FGFR1OP2: variants seen among roughly 807,000 people sequenced by gnomAD.
The protein encoded by FGFR1OP2 is fibroblast growth factor receptor 1 oncogene partner 2.
Under a neutral mutation model 35.2 loss-of-function variants are expected in FGFR1OP2, and 17 were observed. The ratio of observed to expected loss-of-function variants is 0.48; its 90% CI spans 0.33 to 0.73. FGFR1OP2 has a LOEUF of 0.73. Among genes scored for constraint, FGFR1OP2 ranks in the 30% least tolerant of loss-of-function variants. The pLI is 0.02. For synonymous variants in FGFR1OP2, 105 were observed against 104.6 expected, an observed-to-expected ratio of 1.00 and a Z score of -0.03; for missense variants, 251 against 307.3, an observed-to-expected ratio of 0.82 and a Z score of 1.37.
intron 1 of FGFR1OP2, among the ~76,000 whole-genome samples, chr12:26,950,519 C>T (rs546336058): frequency 1.3e-4 from 20 of 152,272 alleles, no homozygotes; most frequent in Non-Finnish European, 2.5e-4. Context: ...AGCCACCGCA[C>T]CTGCCCTGTA....
At position 26,964,705 on chromosome 12, in the gene FGFR1OP2, A is replaced by G. The variant is rs1939149954; in HGVS notation, c.734A>G (p.Asn245Ser). 2 of 1,611,478 alleles carry G rather than the reference A, an allele frequency of 1.2e-6. No homozygotes were observed. Among genetic ancestry groups the G allele is most frequent in the Non-Finnish European group, 1.7e-6 (2 of 1,179,358 alleles). Residue 245 changes from asparagine to serine, a missense_variant, in exon 7 of 7, where the codon AAC becomes AGC. Transcript: ENST00000229395. ...ACTTCTTTGTCAGCATTAGTGACCA[A>G]CAGTGATTTGAGTCTGAGGAAGAGC... ...ESTSLSALVTNSDLSLRKS is the reference protein window; with the variant it reads ...ESTSLSALVTSSDLSLRKS
At chr12:26,956,479 C>CATATATATATATATATATATAT (rs5797206) in intron 2 of FGFR1OP2, 64 bp from the exon 3 acceptor site, 1 of 234,242 alleles carries the variant, frequency 4.3e-6, no homozygotes, top group African/African-American at 2.5e-5. Flanking sequence ...ATTTATATAT[C>CATATATATATATATATATATAT]ATATATATAT....
intron 1 of FGFR1OP2, among the ~76,000 whole-genome samples, chr12:26,949,129 A>G (rs987333201): frequency 3.0e-4 from 46 of 152,270 alleles, no homozygotes; most frequent in African/African-American, 1.1e-3. Context: ...TTGATTCACC[A>G]TTACAGTTTT....
chr12:26,959,962 C>T lies in FGFR1OP2; in HGVS notation c.397-553C>T, dbSNP rs1003963648. 3.3e-5 allele frequency among the ~76,000 whole-genome samples: 5 copies of T among 151,866 alleles called. No homozygotes were observed. In the East Asian group the frequency reaches 5.8e-4, roughly 18 times the overall value. ...CAAAGTAGATGAATTGTTACTGGAA[C>T]GCTAGAGGGAACAATATTAACTGTC... On this transcript the variant is annotated intron_variant, in intron 4 of 6. Coordinates refer to ENST00000229395, the MANE Select transcript of FGFR1OP2 (RefSeq NM_015633.3).
At position 26,966,310 on chromosome 12, in the gene FGFR1OP2, C is replaced by T. The variant is rs1273351854; in HGVS notation, c.*1577C>T. 1 of 152,036 alleles carries T rather than the reference C, an allele frequency of 6.6e-6. No homozygotes were observed. Among genetic ancestry groups the T allele is most frequent in the Non-Finnish European group, 1.5e-5 (1 of 67,966 alleles). 9.4% of individuals were successfully genotyped at this position (152,036 alleles called of 1,614,324 possible). On this transcript the variant is annotated 3_prime_UTR_variant, in exon 7 of 7. Coordinates refer to ENST00000229395, the MANE Select transcript of FGFR1OP2 (RefSeq NM_015633.3). The stretch of plus-strand genomic sequence containing the variant: ...TCCTTAATTTAATGACACATTCATT[C>T]AGATACTTCTTATCCCTGCTAATAA...
intron 1 of FGFR1OP2, among the ~76,000 whole-genome samples, chr12:26,945,425 A>G (rs1344730397): frequency 6.6e-6 from 1 of 152,226 alleles, no homozygotes; most frequent in Non-Finnish European, 1.5e-5. Flanking sequence ...GTTTATTTAG[A>G]TCAAAGTATC....
intron 4 of FGFR1OP2, among the ~76,000 whole-genome samples, chr12:26,959,648 G>A (rs1939073995): frequency 6.6e-6 from 1 of 152,104 alleles, no homozygotes; most frequent in Admixed American, 6.5e-5. Flanking sequence ...ATAGCTGTAA[G>A]CCATCCTTTT....
chr12:26,943,229 C>T (rs1365782923), intron 1 of FGFR1OP2, among the ~76,000 whole-genome samples: 1 of 152,146 alleles, frequency 6.6e-6, no homozygotes, highest in African/African-American at 2.4e-5. Flanking sequence ...CTTGCCTTTG[C>T]ACCTTTTTCA....
At chr12:26,950,498 T>A (rs1268261807) in intron 1 of FGFR1OP2, among the ~76,000 whole-genome samples, 1 of 152,166 alleles carries the variant, frequency 6.6e-6, no homozygotes, top group Non-Finnish European at 1.5e-5. Flanking sequence ...AGTGCTGGGA[T>A]TACAGGCGTG....
At chr12:26,939,509 A>G (rs1178739422) in intron 1 of FGFR1OP2, among the ~76,000 whole-genome samples, 1 of 152,166 alleles carries the variant, frequency 6.6e-6, no homozygotes, top group African/African-American at 2.4e-5. Context: ...CTATTTCCCC[A>G]AACATGCCAT....
chr12:26,952,856 T>C (rs2136354520), intron 1 of FGFR1OP2, among the ~76,000 whole-genome samples: 1 of 152,320 alleles, frequency 6.6e-6, no homozygotes, highest in South Asian at 2.1e-4. Context: ...AATTTTAATT[T>C]AACTTCTGTA....
Position 26,960,594 on chromosome 12 carries a change from G to T in FGFR1OP2, c.476G>T (p.Gly159Val), listed in dbSNP as rs765743196. The change falls in exon 5 of 7, where the codon GGA becomes GTA. Residue 159 changes from glycine (G) to valine (V), a missense_variant. Transcript: ENST00000229395. ...CACATCCTTGAAGCACCTCAACATGGACTGGAGAGAAGGCACTTGGAAGCA... is the reference window on the plus strand; with the variant it reads ...CACATCCTTGAAGCACCTCAACATGTACTGGAGAGAAGGCACTTGGAAGCA... ...SRHILEAPQHGLERRHLEANQ... is the reference protein window; with the variant it reads ...SRHILEAPQHVLERRHLEANQ... 6.2e-7 allele frequency: 1 copy of T among 1,613,260 alleles called. No homozygotes were observed. The highest frequency in any genetic ancestry group is 1.3e-5 in the African/African-American group (1 of 74,880).
intron 2 of FGFR1OP2, among the ~76,000 whole-genome samples, chr12:26,954,739 A>G (rs905079864): frequency 2.6e-5 from 4 of 152,222 alleles, no homozygotes; most frequent in Non-Finnish European, 4.4e-5. Context: ...CTGTGCAGTT[A>G]TTGTACCCAT....
At position 26,966,179 on chromosome 12, in the gene FGFR1OP2, CA is replaced by C. The variant is rs1939176802; in HGVS notation, c.*1449del. ...ATTGAATAGAAAAGGGCTAATGGCCCAAACATTATATAGATTTCTTTTTTTC... is the reference window on the plus strand; with the variant it reads ...ATTGAATAGAAAAGGGCTAATGGCCCAACATTATATAGATTTCTTTTTTTC... On this transcript the variant is annotated 3_prime_UTR_variant, in exon 7 of 7. Transcript: ENST00000229395. The C allele has an allele frequency of 6.6e-6, 1 of 151,808 alleles. No homozygotes were observed. The highest frequency in any genetic ancestry group is 1.5e-5 in the Non-Finnish European group (1 of 67,916). 9.4% of individuals were successfully genotyped at this position (151,808 alleles called of 1,614,324 possible).
At chr12:26,951,658 C>T (rs561870696) in intron 1 of FGFR1OP2, among the ~76,000 whole-genome samples, 19 of 152,146 alleles carry the variant, frequency 1.2e-4, no homozygotes, top group Admixed American at 3.3e-4. Flanking sequence ...GTTTTGATGT[C>T]GTGTTGTTAA....
chr12:26,963,804 G>A (rs1301199535), intron 6 of FGFR1OP2, among the ~76,000 whole-genome samples: 1 of 151,904 alleles, frequency 6.6e-6, no homozygotes, highest in Non-Finnish European at 1.5e-5. Context: ...CAAATATTTA[G>A]GGGCACTCTT....
At chr12:26,944,237 A>G (rs140591365) in intron 1 of FGFR1OP2, among the ~76,000 whole-genome samples, 1 of 151,826 alleles carries the variant, frequency 6.6e-6, no homozygotes, top group African/African-American at 2.4e-5. Context: ...GGGCCGTTTT[A>G]TTTCTTCTTT....
At chr12:26,955,582 G>A (rs1212185654) in intron 2 of FGFR1OP2, among the ~76,000 whole-genome samples, 5 of 152,102 alleles carry the variant, frequency 3.3e-5, no homozygotes, top group South Asian at 4.1e-4. Context: ...TAAAATATGC[G>A]GCTTTTTGTG....
In FGFR1OP2 at chr12:26,947,681, C is replaced by CTGTCCTT. The variant is rs1473470930; in HGVS notation, c.-14-6462_-14-6456dup. Among the ~76,000 whole-genome samples the CTGTCCTT allele has an allele frequency of 5.9e-5, 9 of 152,284 alleles. No individual in the cohort carries two copies. The South Asian group carries it at 1.9e-3, about 32-fold the overall frequency. On this transcript the variant is annotated intron_variant, in intron 1 of 6. Coordinates refer to ENST00000229395, the MANE Select transcript of FGFR1OP2 (RefSeq NM_015633.3). Reference sequence around the variant, plus strand: ...ACAGGTGTGAGCCACTATGCCCGGCCTGTCCTTTTACTTTTAACCTACCCA... The same window carrying CTGTCCTT: ...ACAGGTGTGAGCCACTATGCCCGGCCTGTCCTTTGTCCTTTTACTTTTAACCTACCCA...
Sources: gnomAD v4.1 joint callset for allele counts (sites outside exome capture counted in the v4.1 genomes callset) on GRCh38, gnomAD v4.1.1 for gene constraint, MANE v1.5 for transcripts, NCBI Gene and HGNC (gene_info 2026-07-23, HGNC 2026-07-21) for gene names.